RANGAP1: variants seen among roughly 807,000 people sequenced by gnomAD.
RANGAP1 encodes the protein Ran GTPase activating protein 1, also known as ran GTPase-activating protein 1.
RANGAP1 carries 38 observed loss-of-function variants against 63.5 expected under a neutral mutation model. The observed-to-expected ratio is 0.60, with a 90% CI of 0.46 to 0.78. The LOEUF is 0.78. Among genes scored for constraint, RANGAP1 ranks in the 30% least tolerant of loss-of-function variants. The pLI is 0.00. For missense variants in RANGAP1, 630 were observed against 740.3 expected, an observed-to-expected ratio of 0.85 and a Z score of 1.73; for synonymous variants, 329 against 310.5, an observed-to-expected ratio of 1.06 and a Z score of -0.63.
intron 10 of RANGAP1, among the ~76,000 whole-genome samples, chr22:41,255,642 C>T (rs887797526): frequency 2.6e-5 from 4 of 151,812 alleles, no homozygotes; most frequent in Non-Finnish European, 4.4e-5. Flanking sequence ...CCGCTCAGCC[C>T]GTACGAGCTC....
intron 13 of RANGAP1, 49 bp downstream of exon 13, chr22:41,250,958 C>G (rs773032040): frequency 1.4e-6 from 2 of 1,475,556 alleles, no homozygotes; most frequent in South Asian, 2.3e-5. Context: ...CTGGGGCCCA[C>G]GAGCATCAAG....
intron 11 of RANGAP1, 91 bp from the exon 12 acceptor site, chr22:41,253,082 C>CCTT: frequency 2.4e-6 from 3 of 1,261,026 alleles, no homozygotes; most frequent in Non-Finnish European, 3.1e-6. Flanking sequence ...GCACATCCAC[C>CCTT]CTTCACTCCA....
intron 9 of RANGAP1, 39 bp downstream of exon 9, chr22:41,256,152 C>A (rs1443839212): frequency 6.2e-7 from 1 of 1,613,768 alleles, no homozygotes; most frequent in Non-Finnish European, 8.5e-7. Context: ...CCAGGGCCAG[C>A]CTAGCAGACC....
At chr22:41,287,410 T>A (rs1226641252), upstream of RANGAP1, among the ~76,000 whole-genome samples, 2 of 145,808 alleles carry the variant, frequency 1.4e-5, no homozygotes, top group African/African-American at 5.1e-5. Flanking sequence ...GGAGTTTCAC[T>A]CTTGTTGCCC....
At chr22:41,251,911 A>G (rs1468689312) in intron 12 of RANGAP1, among the ~76,000 whole-genome samples, 2 of 152,240 alleles carry the variant, frequency 1.3e-5, no homozygotes, top group Middle Eastern at 6.3e-3. Flanking sequence ...CATCTGATTT[A>G]TCATGTTAAA....
At chr22:41,256,609 A>G in intron 8 of RANGAP1, 102 bp downstream of exon 8, 1 of 992,460 alleles carries the variant, frequency 1.0e-6, no homozygotes, top group Non-Finnish European at 1.5e-6. Context: ...GAGCTGGGAT[A>G]TGGACACAGG....
chr22:41,269,316 A>C (rs1333285631), intron 3 of RANGAP1, among the ~76,000 whole-genome samples: 4 of 152,200 alleles, frequency 2.6e-5, no homozygotes, highest in Non-Finnish European at 4.4e-5. Flanking sequence ...GGAAGGTTAG[A>C]GGGAGGGGAG....
chr22:41,250,867 C>T (rs987574541), intron 13 of RANGAP1, 140 bp downstream of exon 13: 20 of 657,322 alleles, frequency 3.0e-5, no homozygotes, highest in Admixed American at 8.4e-5. Flanking sequence ...AGGACCCTGA[C>T]GGAGGAAAAA....
In RANGAP1 at chr22:41,246,574, C is replaced by T. The variant is rs979166295; in HGVS notation, c.*29G>A. Reference sequence around the variant, plus strand: ...CGAGTCCCTCCCCAGCTCACTGGTCCAGGCCAAGGGATGGGAGAGGCTTTG... The same window carrying T: ...CGAGTCCCTCCCCAGCTCACTGGTCTAGGCCAAGGGATGGGAGAGGCTTTG... On this transcript the variant is annotated 3_prime_UTR_variant, in exon 16 of 16. Coordinates refer to ENST00000356244, the MANE Select transcript of RANGAP1 (RefSeq NM_002883.4). 1 of 1,518,756 alleles carries T rather than the reference C, an allele frequency of 6.6e-7. No homozygotes were observed. The highest frequency in any genetic ancestry group is 9.0e-7 in the Non-Finnish European group (1 of 1,114,258). 94.1% of individuals were successfully genotyped at this position (1,518,756 alleles called of 1,614,324 possible). A position where few individuals can be genotyped will look rare whatever the true frequency, so the allele number is the denominator to read the frequency against.
intron 4 of RANGAP1, among the ~76,000 whole-genome samples, chr22:41,267,125 C>T (rs1017864202): frequency 1.3e-5 from 2 of 151,970 alleles, no homozygotes; most frequent in Non-Finnish European, 2.9e-5. Context: ...GCGATCTGCC[C>T]GCCTCGGCCT....
At chr22:41,289,484 A>G (rs1451790451), upstream of RANGAP1, among the ~76,000 whole-genome samples, 2 of 151,956 alleles carry the variant, frequency 1.3e-5, no homozygotes, top group African/African-American at 4.8e-5. Flanking sequence ...TTAGCTGGGC[A>G]TGGTGGCAGA....
At chr22:41,283,718 A>C (rs1032499600) in intron 1 of RANGAP1, among the ~76,000 whole-genome samples, 5 of 152,188 alleles carry the variant, frequency 3.3e-5, no homozygotes, top group Non-Finnish European at 7.3e-5. Context: ...GGGCTGAAGC[A>C]CAGAGAGAGA....
At chr22:41,263,196 A>G (rs1298159679) in intron 5 of RANGAP1, among the ~76,000 whole-genome samples, 2 of 152,164 alleles carry the variant, frequency 1.3e-5, no homozygotes, top group East Asian at 1.9e-4. Flanking sequence ...CCTGGCCAGT[A>G]GGAAAGCTCC....
At chr22:41,256,899 A>G (rs2033875523) in intron 7 of RANGAP1, 75 bp from the exon 8 acceptor site, 1 of 1,108,862 alleles carries the variant, frequency 9.0e-7, no homozygotes, top group East Asian at 2.5e-5. Flanking sequence ...CGGGGGCCCC[A>G]CACGGTCACA....
At chr22:41,262,526 GGTAA>G (rs1313296353) in intron 5 of RANGAP1, among the ~76,000 whole-genome samples, 1 of 152,186 alleles carries the variant, frequency 6.6e-6, no homozygotes, top group Non-Finnish European at 1.5e-5. Context: ...AAGGTCACCC[GGTAA>G]GTATTTAGCA....
At chr22:41,292,984 C>A in the RANGAP1 span, among the ~76,000 whole-genome samples, 3 of 151,628 alleles carry the variant, frequency 2.0e-5, no homozygotes, top group African/African-American at 7.3e-5. Context: ...GCCTGTAATC[C>A]CAGCACTTTG....
chr22:41,267,055 T>G (rs536484296), intron 4 of RANGAP1, among the ~76,000 whole-genome samples: 7 of 149,968 alleles, frequency 4.7e-5, no homozygotes, highest in Non-Finnish European at 8.9e-5. Flanking sequence ...AATTTTTGTA[T>G]TTTTAGTAAG....
intron 5 of RANGAP1, among the ~76,000 whole-genome samples, chr22:41,263,014 G>A (rs1042261252): frequency 6.6e-6 from 1 of 152,320 alleles, no homozygotes; most frequent in Non-Finnish European, 1.5e-5. Flanking sequence ...AAGAGGCATA[G>A]GTCAGCAAGG....
the RANGAP1 span, among the ~76,000 whole-genome samples, chr22:41,293,760 CA>C: frequency 0.012 from 638 of 54,842 alleles, 3 homozygotes; most frequent in African/African-American, 0.026. Flanking sequence ...GACTCTGTCT[CA>C]AAAAAAAAAA....
Sources: gnomAD v4.1 joint callset for allele counts (sites outside exome capture counted in the v4.1 genomes callset) on GRCh38, gnomAD v4.1.1 for gene constraint, MANE v1.5 for transcripts, NCBI Gene and HGNC (gene_info 2026-07-23, HGNC 2026-07-21) for gene names.